Variants in IL15 observed in about 807,000 individuals in gnomAD.
IL15 encodes interleukin-15.
IL15 carries 11 observed loss-of-function variants against 19.6 expected under a neutral mutation model. The ratio of observed to expected loss-of-function variants is 0.56; its 90% confidence interval spans 0.35 to 0.93. The LOEUF (loss-of-function observed/expected upper bound fraction) is 0.93. Ranked by LOEUF, IL15 falls within the 40% of genes least tolerant of loss-of-function variation. IL15 has a pLI of 0.01. For synonymous variants in IL15, 58 were observed against 59.6 expected, an observed-to-expected ratio of 0.97 and a Z score of 0.12; for missense variants, 197 against 186.5, an observed-to-expected ratio of 1.06 and a Z score of -0.33.
At chr4:141,707,275 T>A (rs900633957) in intron 2 of IL15, among the ~76,000 whole-genome samples, 1 of 152,140 alleles carries the variant, frequency 6.6e-6, no homozygotes, top group African/African-American at 2.4e-5. Context: ...TTTAAAATTA[T>A]ATTTATATAT....
intron 2 of IL15, among the ~76,000 whole-genome samples, chr4:141,706,468 G>A (rs566718647): frequency 1.3e-3 from 199 of 152,056 alleles, no homozygotes; most frequent in African/African-American, 2.5e-3. Context: ...ACATTACAGC[G>A]CTAGGATATT....
intron 2 of IL15, chr4:141,688,884 ATGAAGCCGCGGACCCTCGCGG>A (rs915877957): frequency 6.2e-6 from 1 of 162,418 alleles, no homozygotes; most frequent in Admixed American, 6.5e-5. Context: ...GACTTCAAGA[ATGAAGCCGCGGACCCTCGCGG>A]TGAGTGTTAC....
In IL15 at chr4:141,656,090, C is replaced by G. The variant is rs144298622; in HGVS notation, c.-221-96C>G. 12 of 395,408 alleles carry G rather than the reference C, an allele frequency of 3.0e-5. No individual in the cohort carries two copies. In the East Asian group the frequency reaches 4.3e-4, roughly 14 times the overall value. The allele number at this position is 395,408 out of a possible 1,614,324, so 24.5% of individuals were successfully genotyped here. A position where few individuals can be genotyped will look rare whatever the true frequency, so the allele number is the denominator to read the frequency against. Reference sequence around the variant, plus strand: ...TATGAGTCTTCCTGTTTTTTTATAGCATGATCAGGTATGTAGGTAACCATA... The same window carrying G: ...TATGAGTCTTCCTGTTTTTTTATAGGATGATCAGGTATGTAGGTAACCATA... On this transcript the variant is annotated intron_variant, in intron 1 of 7. Coordinates refer to ENST00000320650, the MANE Select transcript of IL15 (RefSeq NM_000585.5).
Position 141,640,867 on chromosome 4 carries a change from G to A in IL15, c.-222+4119G>A, listed in dbSNP as rs151148678. 2.6e-3 allele frequency among the ~76,000 whole-genome samples: 390 copies of A among 152,296 alleles called. 4 individuals are homozygous for A. The highest frequency in any genetic ancestry group is 8.8e-3 in the African/African-American group (367 of 41,570). ...AGGGTGCAGACAAAATCAGGAAAGT[G>A]ACAAATTATTTTGTGAAATGAGGGA... is the stretch of plus-strand genomic sequence containing the variant. On this transcript the variant is annotated intron_variant, in intron 1 of 7. Transcript: ENST00000320650.
chr4:141,717,051 T>C (rs1729909915), intron 2 of IL15: 1 of 152,162 alleles, frequency 6.6e-6, no homozygotes, highest in South Asian at 2.1e-4. Context: ...GCCTTCAGGA[T>C]GAAGTCACAC....
chr4:141,682,257 A>T (rs1728557661), intron 2 of IL15, among the ~76,000 whole-genome samples: 1 of 152,228 alleles, frequency 6.6e-6, no homozygotes, highest in Admixed American at 6.5e-5. Flanking sequence ...TGTTCTCTGC[A>T]TAAATATCTA....
chr4:141,728,903 A>C (rs867705011), intron 6 of IL15, among the ~76,000 whole-genome samples: 4 of 152,118 alleles, frequency 2.6e-5, no homozygotes, highest in Non-Finnish European at 4.4e-5. Context: ...CAAGAAGATA[A>C]CTTTGCAACC....
At position 141,733,794 on chromosome 4, in the gene IL15, T is replaced by G. The variant is rs1428213157; in HGVS notation, c.*946T>G. Reference sequence around the variant, plus strand: ...CTTTCCCAAATACAGGTATTTTATTTTCACATTCTTTTTGCCATGTTTATA... The same window carrying G: ...CTTTCCCAAATACAGGTATTTTATTGTCACATTCTTTTTGCCATGTTTATA... On this transcript the variant is annotated 3_prime_UTR_variant, in exon 8 of 8. Transcript: ENST00000320650. 6.6e-6 allele frequency: 1 copy of G among 152,222 alleles called. No homozygotes were observed. The highest frequency in any genetic ancestry group is 1.5e-5 in the Non-Finnish European group (1 of 68,034). 9.4% of individuals were successfully genotyped at this position (152,222 alleles called of 1,614,324 possible).
intron 1 of IL15, among the ~76,000 whole-genome samples, chr4:141,646,896 T>A (rs1244927641): frequency 6.6e-6 from 1 of 152,114 alleles, no homozygotes; most frequent in Non-Finnish European, 1.5e-5. Flanking sequence ...TATATTCCCA[T>A]CACCTATTAG....
Position 141,669,111 on chromosome 4 carries a change from C to T in IL15, c.-100+12804C>T, listed in dbSNP as rs750647036. Among the ~76,000 whole-genome samples, 105 of 151,980 alleles carry T rather than the reference C, an allele frequency of 6.9e-4. 1 individual carries two copies. Among genetic ancestry groups the T allele is most frequent in the South Asian group, 2.1e-4 (1 of 4,806 alleles). On this transcript the variant is annotated intron_variant, in intron 2 of 7. Transcript: ENST00000320650. ...TCATTTAAAATGATGACAAAATAGT[C>T]CCTTTCTTAAAAAGTTGCTGTAACA...
chr4:141,694,359 A>T (rs1273183553), intron 2 of IL15, among the ~76,000 whole-genome samples: 1 of 152,252 alleles, frequency 6.6e-6, no homozygotes, highest in Non-Finnish European at 1.5e-5. Flanking sequence ...GTTAGAGATC[A>T]TGAATTGAAA....
chr4:141,644,765 T>A (rs538338003), intron 1 of IL15, among the ~76,000 whole-genome samples: 251 of 152,106 alleles, frequency 1.7e-3, no homozygotes, highest in Non-Finnish European at 2.8e-3. Flanking sequence ...AAAACAAAAA[T>A]AGGACAATTG....
chr4:141,719,416 CAT>C lies in IL15; in HGVS notation c.-47_-46del. ...TGGATGGCTGCTGGAAACCCCTTGC[CAT>C]AGCCAGCTCTTCTTCAATACTTAAG... On this transcript the variant is annotated 5_prime_UTR_variant, in exon 3 of 8. An upstream open reading frame in the 5' UTR gains an earlier in-frame stop. Coordinates refer to ENST00000320650, the MANE Select transcript of IL15 (RefSeq NM_000585.5). 1.3e-6 allele frequency: 1 copy of C among 796,900 alleles called. No individual in the cohort carries two copies. Among genetic ancestry groups the C allele is most frequent in the South Asian group, 1.4e-5 (1 of 69,486 alleles). The allele number at this position is 796,900 out of a possible 1,614,324, so 49.4% of individuals were successfully genotyped here.
chr4:141,698,567 G>T (rs1481461656), intron 2 of IL15, among the ~76,000 whole-genome samples: 1 of 151,714 alleles, frequency 6.6e-6, no homozygotes, highest in Non-Finnish European at 1.5e-5. Flanking sequence ...AATCTAGGAG[G>T]GTTGTATATT....
At chr4:141,655,465 C>A (rs1267716539) in intron 1 of IL15, among the ~76,000 whole-genome samples, 1 of 151,596 alleles carries the variant, frequency 6.6e-6, no homozygotes, top group Non-Finnish European at 1.5e-5. Flanking sequence ...AAACCTTAAT[C>A]TTTTTCTTCA....
intron 2 of IL15, among the ~76,000 whole-genome samples, chr4:141,661,801 ATTG>A (rs796097868): frequency 1.3e-3 from 203 of 151,390 alleles, no homozygotes; most frequent in African/African-American, 4.6e-3. Context: ...GTTTTTTGTT[ATTG>A]TTGTTGTTGC....
Position 141,684,457 on chromosome 4 carries a change from CT to C in IL15, c.-100+28151del, listed in dbSNP as rs1482810673. Among the ~76,000 whole-genome samples, 9 of 152,158 alleles carry C rather than the reference CT, an allele frequency of 5.9e-5. No individual in the cohort carries two copies. The East Asian group carries it at 1.5e-3, about 26-fold the overall frequency. ...TTAGGCAGCATCACTGTCTAAGAAT[CT>C]AAAGTGATATCCCATTGCCGAGCAA... On this transcript the variant is annotated intron_variant, in intron 2 of 7. Transcript: ENST00000320650.
At chr4:141,679,278 A>G (rs1242192886) in intron 2 of IL15, among the ~76,000 whole-genome samples, 1 of 152,196 alleles carries the variant, frequency 6.6e-6, no homozygotes, top group African/African-American at 2.4e-5. Flanking sequence ...GCTATGATAT[A>G]CTTTGCTTAG....
rs1482439059 is a variant in IL15, at chr4:141,720,715, T to C, written c.110+149T>C. Reference sequence around the variant, plus strand: ...GGGATAGAAGGCAGACTACAGAGATTTAGAGAGGTTTGGTAAACACCTAAC... The same window carrying C: ...GGGATAGAAGGCAGACTACAGAGATCTAGAGAGGTTTGGTAAACACCTAAC... On this transcript the variant is annotated intron_variant, in intron 4 of 7. Coordinates refer to ENST00000320650, the MANE Select transcript of IL15 (RefSeq NM_000585.5). 4 of 656,014 alleles carry C rather than the reference T, an allele frequency of 6.1e-6. No homozygotes were observed. The East Asian group carries it at 8.3e-5, about 14-fold the overall frequency. The allele number at this position is 656,014 out of a possible 1,614,324, so 40.6% of individuals were successfully genotyped here. A position where few individuals can be genotyped will look rare whatever the true frequency, so the allele number is the denominator to read the frequency against.
Sources: gnomAD v4.1 joint callset for allele counts (sites outside exome capture counted in the v4.1 genomes callset) on GRCh38, gnomAD v4.1.1 for gene constraint, MANE v1.5 for transcripts, NCBI Gene and HGNC (gene_info 2026-07-23, HGNC 2026-07-21) for gene names.